Variants in SON observed in about 807,000 individuals in gnomAD.
SON encodes protein SON.
In SON, 4 loss-of-function variants were observed where a neutral mutation model predicts 173.3. That is an observed-to-expected ratio of 0.02 (90% confidence interval 0.01 to 0.05). SON has a LOEUF of 0.05. SON is among the 10% of genes least tolerant of loss of function. The probability of loss-of-function intolerance (pLI) is 1.00; values close to 1 mark genes in which losing one functional copy is unlikely to be tolerated. For missense variants in SON, 2,626 were observed against 3,055.3 expected, an observed-to-expected ratio of 0.86 and a Z score of 3.31; for synonymous variants, 1,190 against 1,105.9, an observed-to-expected ratio of 1.08 and a Z score of -1.51.
chr21:33,557,366 T>C (rs900439867), intron 4 of SON, 50 bp downstream of exon 4: 1 of 1,596,552 alleles, frequency 6.3e-7, no homozygotes, highest in Non-Finnish European at 8.6e-7. Context: ...ATTCCAGTGA[T>C]GTTGACTCTG....
At chr21:33,566,823 T>C (rs1466524743) in intron 6 of SON, among the ~76,000 whole-genome samples, 1 of 152,188 alleles carries the variant, frequency 6.6e-6, no homozygotes, top group African/African-American at 2.4e-5. Flanking sequence ...TTACTATAAA[T>C]GGCTTTCAAT....
At position 33,575,772 on chromosome 21, in the gene SON, C is replaced by T. The variant is rs758468680; in HGVS notation, c.7106-6C>T. On this transcript the variant is annotated splice_region_variant and splice_polypyrimidine_tract_variant and intron_variant, in intron 10 of 11. Transcript: ENST00000356577. ...ATTTAAAACTGGGTATTTCTCCCCC[C>T]TGCAGGCAAACATCCTGTGTCTGCT... The T allele has an allele frequency of 6.3e-6, 10 of 1,591,608 alleles. No individual in the cohort carries two copies. The highest frequency in any genetic ancestry group is 4.5e-5 in the South Asian group (4 of 89,836).
At chr21:33,543,542 C>CG in intron 1 of SON, 1 of 113,688 alleles carries the variant, frequency 8.8e-6, no homozygotes, top group Non-Finnish European at 1.5e-5. Context: ...CCCTCCCCCT[C>CG]TCGCCTCCGC....
chr21:33,548,141 A>G (rs2085666789), intron 2 of SON, among the ~76,000 whole-genome samples: 1 of 152,154 alleles, frequency 6.6e-6, no homozygotes, highest in African/African-American at 2.4e-5. Flanking sequence ...TTAAAGTTGA[A>G]TACTCCCATC....
intron 9 of SON, 150 bp downstream of exon 9, chr21:33,573,605 A>G (rs573458512): frequency 1.4e-4 from 86 of 597,348 alleles, no homozygotes; most frequent in Non-Finnish European, 1.9e-4. Flanking sequence ...TTTGGGGTTC[A>G]CAGAGCAGCT....
intron 9 of SON, 62 bp downstream of exon 9, chr21:33,573,517 CT>C: frequency 6.9e-7 from 1 of 1,444,898 alleles, no homozygotes; most frequent in Non-Finnish European, 9.5e-7. Context: ...TTAATATATC[CT>C]TTTGAACCCA....
chr21:33,572,465 T>C (rs979644193), intron 8 of SON: 3 of 746,394 alleles, frequency 4.0e-6, no homozygotes, highest in Non-Finnish European at 6.2e-6. Flanking sequence ...ATGGAAATTA[T>C]GGTTCAGTGG....
At position 33,549,720 on chromosome 21, in the gene SON, A is replaced by T; in HGVS notation, c.489A>T (p.Ser163=). 6.2e-7 allele frequency: 1 copy of T among 1,613,618 alleles called. No homozygotes were observed. Among genetic ancestry groups the T allele is most frequent in the Non-Finnish European group, 8.5e-7 (1 of 1,179,860 alleles). ...TTTTAAAGTTTGATTCTGAACCTTCAGCTGTGGCGCTGGAGCTTCCTACAA... is the reference window on the plus strand; with the variant it reads ...TTTTAAAGTTTGATTCTGAACCTTCTGCTGTGGCGCTGGAGCTTCCTACAA... The part of the protein sequence containing the change: ...DSFLKFDSEP[S]AVALELPTRA... Residue 163 remains serine (S), a synonymous_variant, in exon 3 of 12, where the codon TCA becomes TCT. Coordinates refer to ENST00000356577, the MANE Select transcript of SON (RefSeq NM_138927.4).
Position 33,550,725 on chromosome 21 carries a change from A to G in SON, c.1494A>G (p.Thr498=). 1 of 1,614,006 alleles carries G rather than the reference A, an allele frequency of 6.2e-7. No homozygotes were observed. Among genetic ancestry groups the G allele is most frequent in the East Asian group, 2.2e-5 (1 of 44,882 alleles). ...AGTTGCCAGAGCAGCCTGCGGTAAC[A>G]GTAGCAATGGAGTTGACCGAACAAC... ...AVELPEQPAV[T]VAMELTEQPV... Residue 498 remains threonine, a synonymous_variant, in exon 3 of 12, where the codon ACA becomes ACG. Transcript: ENST00000356577.
intron 6 of SON, among the ~76,000 whole-genome samples, chr21:33,565,319 C>G (rs910506195): frequency 6.6e-6 from 1 of 152,092 alleles, no homozygotes; most frequent in African/African-American, 2.4e-5. Flanking sequence ...CAGATTTTAG[C>G]CTTGTTAGAA....
intron 1 of SON, among the ~76,000 whole-genome samples, chr21:33,545,570 A>C (rs2085595218): frequency 6.6e-6 from 1 of 152,254 alleles, no homozygotes; most frequent in African/African-American, 2.4e-5. Context: ...AACATGTGTT[A>C]AGCCATCTAT....
At chr21:33,545,224 A>G (rs2085587086) in intron 1 of SON, among the ~76,000 whole-genome samples, 1 of 152,224 alleles carries the variant, frequency 6.6e-6, no homozygotes, top group African/African-American at 2.4e-5. Context: ...TGTTAGGATT[A>G]AATGAGTTAA....
At chr21:33,575,729 C>G (rs769137760) in intron 10 of SON, 49 bp from the exon 11 acceptor site, 1 of 1,568,996 alleles carries the variant, frequency 6.4e-7, no homozygotes, top group East Asian at 2.2e-5. Flanking sequence ...TTATTTGTTG[C>G]AGAAGTTGGT....
rs201851573 is a variant in SON, at chr21:33,555,357, A to C, written c.6126A>C (p.Glu2042Asp). 44 of 1,584,476 alleles carry C rather than the reference A, an allele frequency of 2.8e-5. No homozygotes were observed. The East Asian group carries it at 9.7e-4, about 35-fold the overall frequency. Reference protein sequence around the residue: ...PIRRKRSRSSERGRSPKRLTD... With the variant: ...PIRRKRSRSSDRGRSPKRLTD... ...GTCGTAAAAGATCCAGGTCTTCTGA[A>C]CGAGGCAGATCACCCAAACGTCTGA... is the stretch of plus-strand genomic sequence containing the variant. Residue 2042 changes from glutamate to aspartate, a missense_variant, in exon 3 of 12, where the codon GAA becomes GAC. Coordinates refer to ENST00000356577, the MANE Select transcript of SON (RefSeq NM_138927.4).
At chr21:33,560,897 C>T (rs1286678417) in intron 6 of SON, 3 of 152,210 alleles carry the variant, frequency 2.0e-5, no homozygotes, top group Non-Finnish European at 2.9e-5. Flanking sequence ...AGGTTCCCTT[C>T]CTTGGCTTGG....
intron 1 of SON, among the ~76,000 whole-genome samples, chr21:33,544,258 T>C (rs1211851955): frequency 1.3e-5 from 2 of 152,218 alleles, no homozygotes; most frequent in Non-Finnish European, 2.9e-5. Context: ...TTGCAGAATG[T>C]GTTGTTTTTT....
rs756773051 is a variant in SON at position 33,554,458 on chromosome 21, G to C, written c.5227G>C (p.Glu1743Gln). 1.9e-6 allele frequency: 3 copies of C among 1,614,152 alleles called. No individual in the cohort carries two copies. The highest frequency in any genetic ancestry group is 8.5e-7 in the Non-Finnish European group (1 of 1,180,034). ...GAGACCGTTACTTCCTAAGGACATG[G>C]AACGTCTTACAAGCCTTAGAGCTGG... ...LVRPLLPKDM[E>Q]RLTSLRAGIE... is the part of the protein sequence containing the mutation. The change falls in exon 3 of 12, where the codon GAA becomes CAA. Residue 1743 changes from glutamate (E) to glutamine (Q), a missense_variant. By Grantham distance (29) the Glu-to-Gln change is conservative. Coordinates refer to ENST00000356577, the MANE Select transcript of SON (RefSeq NM_138927.4).
intron 4 of SON, chr21:33,558,059 G>C (rs147010480): frequency 6.3e-6 from 1 of 158,592 alleles, no homozygotes; most frequent in Non-Finnish European, 1.4e-5. Context: ...CTTGTTATTG[G>C]CTAGCCTTAT....
chr21:33,575,573 TAGTG>T lies in SON; in HGVS notation c.7034-21_7034-18del. On this transcript the variant is annotated intron_variant, in intron 9 of 11. Coordinates refer to ENST00000356577, the MANE Select transcript of SON (RefSeq NM_138927.4). Reference sequence around the variant, plus strand: ...TTAAAGTGGTGCTTTGAAATTTATTTAGTGAACAATTTTTTTTTAAAGGTCTTGT... The same window carrying T: ...TTAAAGTGGTGCTTTGAAATTTATTTAACAATTTTTTTTTAAAGGTCTTGT... 1.9e-6 allele frequency: 3 copies of T among 1,585,538 alleles called. No individual in the cohort carries two copies. Among genetic ancestry groups the T allele is most frequent in the Non-Finnish European group, 2.6e-6 (3 of 1,161,162 alleles).
Sources: gnomAD v4.1 joint callset for allele counts (sites outside exome capture counted in the v4.1 genomes callset) on GRCh38, gnomAD v4.1.1 for gene constraint, MANE v1.5 for transcripts, NCBI Gene and HGNC (gene_info 2026-07-23, HGNC 2026-07-21) for gene names.